The following TMEM181 variants were observed in gnomAD, a reference collection of about 807,000 sequenced individuals.
TMEM181 encodes the protein transmembrane protein 181.
Under a neutral mutation model 71.9 loss-of-function variants are expected in TMEM181, and 39 were observed. That is an observed-to-expected ratio of 0.54 (90% confidence interval 0.42 to 0.71). The LOEUF is 0.71. TMEM181 is among the 30% of genes least tolerant of loss of function. The pLI is 0.00. For missense variants in TMEM181, 595 were observed against 583.0 expected (o/e 1.02, Z -0.21); for synonymous variants, 245 against 228.8 (o/e 1.07, Z -0.64).
At position 158,611,347 on chromosome 6, in the gene TMEM181, G is replaced by T. The variant is rs186376989; in HGVS notation, c.896+2597G>T. 3.4e-5 allele frequency: 18 copies of T among 523,962 alleles called. No homozygotes were observed. The East Asian group carries it at 9.7e-4, about 28-fold the overall frequency. 32.5% of individuals were successfully genotyped at this position (523,962 alleles called of 1,614,324 possible). A position where few individuals can be genotyped will look rare whatever the true frequency, so the allele number is the denominator to read the frequency against. ...TATGCTTGGTTTTGAACTAGTGACAGCCTCTCCCTTCCTTTTCGGCATTGA... is the reference window on the plus strand; with the variant it reads ...TATGCTTGGTTTTGAACTAGTGACATCCTCTCCCTTCCTTTTCGGCATTGA... On this transcript the variant is annotated intron_variant, in intron 10 of 16. Coordinates refer to ENST00000684151, the MANE Select transcript of TMEM181 (RefSeq NM_001376852.1).
At chr6:158,584,399 A>G (rs1373190179) in intron 4 of TMEM181, among the ~76,000 whole-genome samples, 3 of 152,190 alleles carry the variant, frequency 2.0e-5, no homozygotes, top group South Asian at 2.1e-4. Context: ...TCTTGAGACA[A>G]TTTCGTCACA....
At chr6:158,625,054 A>G (rs1786194449) in intron 11 of TMEM181, 50 bp from the exon 12 acceptor site, 1 of 1,399,350 alleles carries the variant, frequency 7.1e-7, no homozygotes, top group Non-Finnish European at 1.0e-6. Context: ...TGGGAGGAGA[A>G]GGTCACAGAG....
chr6:158,597,623 C>T (rs1562298078), intron 6 of TMEM181, among the ~76,000 whole-genome samples: 1 of 152,134 alleles, frequency 6.6e-6, no homozygotes, highest in Non-Finnish European at 1.5e-5. Context: ...ACCTCAGTCT[C>T]CTGAGTAGCT....
intron 1 of TMEM181, among the ~76,000 whole-genome samples, chr6:158,539,702 A>G (rs1781267730): frequency 1.3e-5 from 2 of 152,246 alleles, no homozygotes; most frequent in Non-Finnish European, 2.9e-5. Context: ...CTATGTGATC[A>G]AAGGACTCTT....
intron 1 of TMEM181, among the ~76,000 whole-genome samples, chr6:158,567,842 A>G (rs1355284791): frequency 2.0e-5 from 3 of 152,094 alleles, no homozygotes; most frequent in Non-Finnish European, 4.4e-5. Flanking sequence ...GAGTGCGTAT[A>G]ATTCACATAG....
intron 15 of TMEM181, among the ~76,000 whole-genome samples, 166 bp from the exon 16 acceptor site, chr6:158,631,157 T>C (rs1257206279): frequency 6.6e-6 from 1 of 152,218 alleles, no homozygotes; most frequent in African/African-American, 2.4e-5. Flanking sequence ...GTCTTGTAGA[T>C]GAGAAAACAG....
chr6:158,559,563 C>CT (rs1339945851), upstream of TMEM181, among the ~76,000 whole-genome samples: 1 of 152,202 alleles, frequency 6.6e-6, no homozygotes. Flanking sequence ...CAGGAAAGTG[C>CT]TTTTGGTCCA....
chr6:158,559,320 C>G (rs142606206), upstream of TMEM181, among the ~76,000 whole-genome samples: 1,211 of 152,306 alleles, frequency 8.0e-3, 4 homozygotes, highest in Non-Finnish European at 0.012. Flanking sequence ...CATGTCCACA[C>G]TTTTCTGCCA....
intron 10 of TMEM181, chr6:158,611,178 G>A: frequency 1.9e-6 from 1 of 526,418 alleles, no homozygotes. Context: ...CTCCTCTCTG[G>A]CACTGTCTTG....
At chr6:158,578,086 A>G (rs926898254) in intron 2 of TMEM181, among the ~76,000 whole-genome samples, 2 of 152,128 alleles carry the variant, frequency 1.3e-5, no homozygotes, top group African/African-American at 4.8e-5. Flanking sequence ...GCGAAACTCC[A>G]TCTCAAAAAA....
intron 6 of TMEM181, among the ~76,000 whole-genome samples, chr6:158,591,236 C>T (rs183408733): frequency 1.3e-5 from 2 of 152,208 alleles, no homozygotes; most frequent in East Asian, 1.9e-4. Context: ...TTTTCTTTCA[C>T]GTTGTGCTGG....
At chr6:158,590,449 T>G (rs1050263131) in intron 6 of TMEM181, among the ~76,000 whole-genome samples, 12 of 152,088 alleles carry the variant, frequency 7.9e-5, no homozygotes, top group Non-Finnish European at 1.0e-4. Context: ...CAGTGGTTTT[T>G]TTTTGTTTTG....
At chr6:158,607,119 A>C in intron 7 of TMEM181, 125 bp from the exon 8 acceptor site, 1 of 739,864 alleles carries the variant, frequency 1.4e-6, no homozygotes, top group South Asian at 1.6e-5. Flanking sequence ...TAAGGCAGCG[A>C]CTCTTAGTGG....
intron 1 of TMEM181, among the ~76,000 whole-genome samples, chr6:158,566,223 C>A (rs112032444): frequency 6.6e-6 from 1 of 151,942 alleles, no homozygotes; most frequent in Admixed American, 6.6e-5. Flanking sequence ...GATAGCCAAA[C>A]GGGCATGCCA....
At chr6:158,573,174 C>T (rs929541180) in intron 1 of TMEM181, among the ~76,000 whole-genome samples, 1 of 152,150 alleles carries the variant, frequency 6.6e-6, no homozygotes, top group Non-Finnish European at 1.5e-5. Context: ...GCGTGCAGAC[C>T]GCGGTGGCTG....
rs189102191 is a variant in TMEM181 at position 158,631,893 on chromosome 6, C to G, written c.*5C>G. 2.9e-4 allele frequency: 458 copies of G among 1,583,586 alleles called. 5 individuals are homozygous for G. The Admixed American group carries it at 7.7e-3, about 26-fold the overall frequency. ...GAGGAGTCAGATAGTGACTGAGCCC[C>G]GGCCAGCCCAGCGAGGCGACAAGAT... is the stretch of plus-strand genomic sequence containing the variant. On this transcript the variant is annotated 3_prime_UTR_variant, in exon 17 of 17. Transcript: ENST00000684151.
At position 158,631,937 on chromosome 6, in the gene TMEM181, G is replaced by C. The variant is rs1171846921; in HGVS notation, c.*49G>C. On this transcript the variant is annotated 3_prime_UTR_variant, in exon 17 of 17. Transcript: ENST00000684151. ...ACAAGATGCCTGGATGCTTTCCCCG[G>C]TGACCGTCTGCTGACCTTCCCCTGT... The C allele has an allele frequency of 4.7e-6, 7 of 1,502,986 alleles. No homozygotes were observed. The highest frequency in any genetic ancestry group is 1.2e-5 in the South Asian group (1 of 83,252). The allele number at this position is 1,502,986 out of a possible 1,614,324, so 93.1% of individuals were successfully genotyped here.
At position 158,635,049 on chromosome 6, in the gene TMEM181, AT is replaced by A. The variant is rs1786877882; in HGVS notation, c.*3162del. On this transcript the variant is annotated 3_prime_UTR_variant, in exon 17 of 17. Transcript: ENST00000684151. ...TGAAGAAAAAAAAAAAAAGATACAGATCTTTTCCCCTGGCCAAAGGGAAGTT... is the reference window on the plus strand; with the variant it reads ...TGAAGAAAAAAAAAAAAAGATACAGACTTTTCCCCTGGCCAAAGGGAAGTT... The A allele has an allele frequency of 6.6e-6, 1 of 151,802 alleles. No individual in the cohort carries two copies. The highest frequency in any genetic ancestry group is 1.5e-5 in the Non-Finnish European group (1 of 67,922). 9.4% of individuals were successfully genotyped at this position (151,802 alleles called of 1,614,324 possible).
chr6:158,553,433 A>T (rs1781778162), intron 1 of TMEM181, among the ~76,000 whole-genome samples: 1 of 152,238 alleles, frequency 6.6e-6, no homozygotes, highest in Non-Finnish European at 1.5e-5. Flanking sequence ...TAGCCTGTGC[A>T]TATCAGGTGT....
Sources: allele counts gnomAD v4.1 joint callset (sites outside exome capture counted in the v4.1 genomes callset), GRCh38; gene constraint gnomAD v4.1.1; transcripts MANE v1.5; gene names NCBI Gene and HGNC (gene_info 2026-07-23, HGNC 2026-07-21).